THRB: variants seen among roughly 807,000 people sequenced by gnomAD.
THRB encodes thyroid hormone receptor beta.
A neutral mutation model predicts 47.8 loss-of-function variants in THRB; 12 were observed. That is an observed-to-expected ratio of 0.25 (90% CI 0.16 to 0.41). THRB has a LOEUF of 0.41. Ranked by LOEUF, THRB falls within the 10% of genes least tolerant of loss-of-function variation. The pLI, the probability that THRB is intolerant of heterozygous loss-of-function variation, is 1.00. For missense variants in THRB, 348 were observed against 589.2 expected (o/e 0.59, Z 4.24); for synonymous variants, 218 against 212.2 (o/e 1.03, Z -0.24).
At chr3:24,408,181 A>G (rs2067985861) in intron 1 of THRB, among the ~76,000 whole-genome samples, 1 of 151,882 alleles carries the variant, frequency 6.6e-6, no homozygotes, top group Non-Finnish European at 1.5e-5. Context: ...GTTTTATCTA[A>G]CATGTCTCAA....
intron 3 of THRB, among the ~76,000 whole-genome samples, chr3:24,263,373 G>A (rs953987111): frequency 6.6e-6 from 1 of 152,150 alleles, no homozygotes; most frequent in Non-Finnish European, 1.5e-5. Context: ...GTTGCACAGA[G>A]AGGTAAAGTG....
chr3:24,248,602 T>G lies in THRB; in HGVS notation c.-42-19601A>C, dbSNP rs552502924. On this transcript the variant is annotated intron_variant, in intron 3 of 10. Transcript: ENST00000646209. Reference sequence around the variant, plus strand: ...AGTCCCTTGCCAGAGGGCTTTCTATTCACTGGAAGAAGACTGGAAGGTGAG... The same window carrying G: ...AGTCCCTTGCCAGAGGGCTTTCTATGCACTGGAAGAAGACTGGAAGGTGAG... Among the ~76,000 whole-genome samples, 3 of 152,274 alleles carry G rather than the reference T, an allele frequency of 2.0e-5. No homozygotes were observed. The East Asian group carries it at 5.8e-4, about 29-fold the overall frequency.
At chr3:24,279,306 G>C (rs1282271610) in intron 3 of THRB, among the ~76,000 whole-genome samples, 1 of 152,132 alleles carries the variant, frequency 6.6e-6, no homozygotes, top group Non-Finnish European at 1.5e-5. Flanking sequence ...AAGTTCATGA[G>C]AGAGAAGTGA....
chr3:24,283,245 G>A (rs1402924599), intron 3 of THRB, among the ~76,000 whole-genome samples: 3 of 151,596 alleles, frequency 2.0e-5, no homozygotes, highest in African/African-American at 7.3e-5. Context: ...ATGATCAAGT[G>A]GGCTTCATCC....
chr3:24,428,009 TG>T (rs147592273), intron 1 of THRB, among the ~76,000 whole-genome samples: 3,013 of 152,158 alleles, frequency 0.02, 98 homozygotes, highest in African/African-American at 0.067. Context: ...TTTAATCTGT[TG>T]AAGCAATGCA....
intron 5 of THRB, among the ~76,000 whole-genome samples, chr3:24,161,617 AACAC>A (rs58600238): frequency 0.024 from 3,432 of 141,182 alleles, 75 homozygotes; most frequent in African/African-American, 0.058. Context: ...AGAGCTACAG[AACAC>A]ACACACACAC....
chr3:24,125,569 C>G (rs1048712663), intron 10 of THRB, among the ~76,000 whole-genome samples: 2 of 152,196 alleles, frequency 1.3e-5, no homozygotes, highest in African/African-American at 4.8e-5. Context: ...CACCCAAAGT[C>G]ACACAAGGAG....
At chr3:24,256,057 C>T (rs140603560) in intron 3 of THRB, among the ~76,000 whole-genome samples, 8 of 152,094 alleles carry the variant, frequency 5.3e-5, no homozygotes, top group Non-Finnish European at 8.8e-5. Flanking sequence ...GAAGAAACAG[C>T]GAGCTAGTGA....
intron 4 of THRB, among the ~76,000 whole-genome samples, chr3:24,200,062 A>G (rs1002930397): frequency 2.6e-5 from 4 of 152,200 alleles, no homozygotes; most frequent in Non-Finnish European, 5.9e-5. Flanking sequence ...TCAAACTTTG[A>G]GGTAATTACT....
At position 24,143,723 on chromosome 3, in the gene THRB, G is replaced by T. The variant is rs1335729582; in HGVS notation, c.533-17C>A. ...CCAGCACCACTGGGAGGGGGAGAAAGATGAGACAAGGCACACAGATGCTCC... is the reference window on the plus strand; with the variant it reads ...CCAGCACCACTGGGAGGGGGAGAAATATGAGACAAGGCACACAGATGCTCC... On this transcript the variant is annotated splice_polypyrimidine_tract_variant and intron_variant, in intron 7 of 10. Transcript: ENST00000646209. 1.2e-6 allele frequency: 2 copies of T among 1,613,620 alleles called. No homozygotes were observed. Among genetic ancestry groups the T allele is most frequent in the East Asian group, 2.2e-5 (1 of 44,870 alleles).
At chr3:24,430,665 T>C (rs1260520713) in intron 1 of THRB, 1 of 151,922 alleles carries the variant, frequency 6.6e-6, no homozygotes, top group Non-Finnish European at 1.5e-5. Context: ...AAGAAGAGAA[T>C]TTCTTAAGAA....
chr3:24,187,691 A>G (rs1432403815), intron 5 of THRB, among the ~76,000 whole-genome samples: 2 of 152,210 alleles, frequency 1.3e-5, no homozygotes, highest in Non-Finnish European at 2.9e-5. Context: ...TAGGAAATAA[A>G]TGCCCAACAT....
rs532198504 is a variant in THRB at position 24,299,307 on chromosome 3, A to C, written c.-188-1936T>G. Among the ~76,000 whole-genome samples, 5 of 151,940 alleles carry C rather than the reference A, an allele frequency of 3.3e-5. No individual in the cohort carries two copies. In the South Asian group the frequency reaches 8.3e-4, roughly 25 times the overall value. On this transcript the variant is annotated intron_variant, in intron 2 of 10. Transcript: ENST00000646209. ...ATTCAGGTTCACTGTAGAATAAAAT[A>C]AAAATGTAGAGGAAACTAAGAATCA...
chr3:24,224,148 C>G (rs531906754), intron 4 of THRB, among the ~76,000 whole-genome samples: 1 of 152,020 alleles, frequency 6.6e-6, no homozygotes, highest in African/African-American at 2.4e-5. Flanking sequence ...TTTGACCCAT[C>G]ATTTCCTTTA....
intron 1 of THRB, among the ~76,000 whole-genome samples, chr3:24,403,192 AT>A (rs147233842): frequency 7.2e-5 from 11 of 151,950 alleles, no homozygotes; most frequent in Non-Finnish European, 1.3e-4. Context: ...TTTATGTAAA[AT>A]TTTTTCAAAA....
At chr3:24,155,376 C>T (rs1006355667) in intron 5 of THRB, among the ~76,000 whole-genome samples, 4 of 152,186 alleles carry the variant, frequency 2.6e-5, no homozygotes, top group Middle Eastern at 3.2e-3. Flanking sequence ...TAGTGCACCC[C>T]ACCCCTTGCT....
At chr3:24,245,644 G>A (rs1334686341) in intron 3 of THRB, among the ~76,000 whole-genome samples, 1 of 152,164 alleles carries the variant, frequency 6.6e-6, no homozygotes, top group Admixed American at 6.5e-5. Context: ...CAGGTGCAGT[G>A]GCTCACACCT....
chr3:24,280,271 C>G (rs2054416267), intron 3 of THRB, among the ~76,000 whole-genome samples: 1 of 152,196 alleles, frequency 6.6e-6, no homozygotes, highest in Non-Finnish European at 1.5e-5. Flanking sequence ...TCAAGTGGGT[C>G]CCTGACTCCT....
At chr3:24,201,329 C>T (rs1383886635) in intron 4 of THRB, among the ~76,000 whole-genome samples, 1 of 152,020 alleles carries the variant, frequency 6.6e-6, no homozygotes, top group African/African-American at 2.4e-5. Context: ...GTCAGGTGTG[C>T]CCCCTGCCTC....
Sources: gnomAD v4.1 joint callset for allele counts (sites outside exome capture counted in the v4.1 genomes callset) on GRCh38, gnomAD v4.1.1 for gene constraint, MANE v1.5 for transcripts, NCBI Gene and HGNC (gene_info 2026-07-23, HGNC 2026-07-21) for gene names.